UVSSA: variants seen among roughly 807,000 people sequenced by gnomAD.
UVSSA encodes UV-stimulated scaffold protein A.
UVSSA carries 72 observed loss-of-function variants against 73.9 expected under a neutral mutation model. That is an observed-to-expected ratio of 0.97 (90% CI 0.81 to 1.19). The LOEUF (loss-of-function observed/expected upper bound fraction) is 1.19. Ranked by LOEUF, UVSSA falls within the 50% of genes most tolerant of loss-of-function variation. The pLI, the probability that UVSSA is intolerant of heterozygous loss-of-function variation, is 0.00. For missense variants in UVSSA, 1,150 were observed against 965.0 expected (o/e 1.19, Z -2.54); for synonymous variants, 454 against 391.3 (o/e 1.16, Z -1.89).
chr4:1,390,425 A>C (rs562555287), downstream of UVSSA: 4 of 152,358 alleles, frequency 2.6e-5, no homozygotes, highest in African/African-American at 7.2e-5. Context: ...GACTACAGGC[A>C]TGAGCCACCA....
At chr4:1,380,679 A>G (rs1195270032) in intron 11 of UVSSA, 13 of 1,538,802 alleles carry the variant, frequency 8.4e-6, no homozygotes, top group South Asian at 3.6e-5. Flanking sequence ...GCTCCAGAGG[A>G]GGGACGGAGC....
intron 8 of UVSSA, chr4:1,374,805 C>G (rs984904793): frequency 3.3e-5 from 5 of 152,840 alleles, no homozygotes; most frequent in African/African-American, 1.2e-4. Context: ...GGGCTGGAAT[C>G]CCCGCTAACA....
At chr4:1,355,576 C>T (rs938524846) in intron 7 of UVSSA, among the ~76,000 whole-genome samples, 2 of 152,182 alleles carry the variant, frequency 1.3e-5, no homozygotes, top group South Asian at 2.1e-4. Flanking sequence ...ATCAGCAGTG[C>T]GGCACCTGTC....
At chr4:1,355,710 CGAGGGGCTTGG>C (rs1378443510) in intron 7 of UVSSA, among the ~76,000 whole-genome samples, 4 of 152,066 alleles carry the variant, frequency 2.6e-5, no homozygotes, top group Non-Finnish European at 5.9e-5. Context: ...CTGGGCCTTG[CGAGGGGCTTGG>C]GAGGGTCATG....
rs369440123 is a variant in UVSSA at position 1,386,482 on chromosome 4, C to T, written c.*521C>T. 101 of 155,940 alleles carry T rather than the reference C, an allele frequency of 6.5e-4. 3 individuals carry two copies. The South Asian group carries it at 0.015, about 24-fold the overall frequency. The allele number at this position is 155,940 out of a possible 1,614,324, so 9.7% of individuals were successfully genotyped here. A position where few individuals can be genotyped will look rare whatever the true frequency, so the allele number is the denominator to read the frequency against. On this transcript the variant is annotated 3_prime_UTR_variant, in exon 14 of 14. Transcript: ENST00000389851. ...GTCCTCTTGTCCCTGGCTTCTTACA[C>T]TTGGCGTTGTTTTTAAGGTTTATCC...
intron 5 of UVSSA, among the ~76,000 whole-genome samples, chr4:1,354,041 G>A (rs1053595499): frequency 4.0e-5 from 6 of 151,830 alleles, no homozygotes; most frequent in African/African-American, 9.6e-5. Context: ...GCTTCAAATC[G>A]CTCTCTTTGA....
chr4:1,373,960 C>T (rs541852215), intron 8 of UVSSA, among the ~76,000 whole-genome samples: 98 of 152,290 alleles, frequency 6.4e-4, no homozygotes, highest in African/African-American at 2.2e-3. Flanking sequence ...CTATGGTGCC[C>T]GTAGCTCCTG....
At chr4:1,380,517 G>A in intron 11 of UVSSA, 1 of 930,654 alleles carries the variant, frequency 1.1e-6, no homozygotes. Context: ...TGCAGCCCGG[G>A]TCTGTGCTGG....
At chr4:1,394,273 T>A (rs1025435172) in exon 14 of UVSSA, 5 of 777,076 alleles carry the variant, frequency 6.4e-6, no homozygotes, top group Non-Finnish European at 9.9e-6. Context: ...CTTCCTTTCA[T>A]GAGTTATGTA....
At chr4:1,378,238 G>T (rs1719009382) in intron 10 of UVSSA, among the ~76,000 whole-genome samples, 4 of 152,212 alleles carry the variant, frequency 2.6e-5, no homozygotes, top group African/African-American at 4.8e-5. Context: ...CTAGAACAAA[G>T]CCGTCCTGGT....
intron 7 of UVSSA, 154 bp from the exon 8 acceptor site, chr4:1,366,166 G>C: frequency 1.6e-6 from 1 of 639,340 alleles, no homozygotes; most frequent in Non-Finnish European, 2.8e-6. Flanking sequence ...CCTTGGAGAC[G>C]ATCTTAAATG....
At chr4:1,385,121 T>C (rs1463979596) in intron 13 of UVSSA, 1 of 152,338 alleles carries the variant, frequency 6.6e-6, no homozygotes, top group Non-Finnish European at 1.5e-5. Flanking sequence ...CTCCTCCCTG[T>C]GTCTCATGGG....
chr4:1,344,334 T>C (rs1313951921), upstream of UVSSA, among the ~76,000 whole-genome samples: 1 of 152,118 alleles, frequency 6.6e-6, no homozygotes, highest in East Asian at 1.9e-4. Flanking sequence ...GCAGATCACT[T>C]GAGGCCAGGA....
At chr4:1,360,152 C>G (rs1388526184) in intron 7 of UVSSA, among the ~76,000 whole-genome samples, 2 of 152,224 alleles carry the variant, frequency 1.3e-5, no homozygotes, top group Non-Finnish European at 2.9e-5. Context: ...CCGCTGTGTG[C>G]GCCACCGCAT....
chr4:1,368,700 T>A (rs1428260432), intron 8 of UVSSA, among the ~76,000 whole-genome samples: 1 of 152,264 alleles, frequency 6.6e-6, no homozygotes, highest in African/African-American at 2.4e-5. Context: ...CAGTCCCGGC[T>A]AAGCCTCACC....
upstream of UVSSA, chr4:1,347,185 C>G (rs1249504074): frequency 6.6e-6 from 1 of 151,386 alleles, no homozygotes; most frequent in Non-Finnish European, 1.5e-5. Flanking sequence ...GAGGGGCGGT[C>G]CCCCCGCCGG....
intron 2 of UVSSA, among the ~76,000 whole-genome samples, chr4:1,349,264 T>C (rs1714283445): frequency 6.6e-6 from 1 of 152,216 alleles, no homozygotes; most frequent in Non-Finnish European, 1.5e-5. Flanking sequence ...GTGTATATGA[T>C]TTTCACATTT....
intron 3 of UVSSA, among the ~76,000 whole-genome samples, chr4:1,350,750 C>G (rs1714584444): frequency 7.0e-6 from 1 of 143,288 alleles, no homozygotes; most frequent in Non-Finnish European, 1.5e-5. Flanking sequence ...GGTAACACAG[C>G]AAGACCGTTG....
Position 1,363,304 on chromosome 4 carries a change from GGGAA to G in UVSSA, c.1177-3015_1177-3012del, listed in dbSNP as rs1716898235. On this transcript the variant is annotated intron_variant, in intron 7 of 13. Transcript: ENST00000389851. ...CATCAGCGCTGATTTAAGAACAAAGGGGAACCCAGGGCTCCAAATTTAGTCACAG... is the reference window on the plus strand; with the variant it reads ...CATCAGCGCTGATTTAAGAACAAAGGCCCAGGGCTCCAAATTTAGTCACAG... 6.6e-5 allele frequency among the ~76,000 whole-genome samples: 10 copies of G among 152,234 alleles called. No homozygotes were observed. In the South Asian group the frequency reaches 1.9e-3, roughly 28 times the overall value.
Sources: gnomAD v4.1 joint callset for allele counts (sites outside exome capture counted in the v4.1 genomes callset) on GRCh38, gnomAD v4.1.1 for gene constraint, MANE v1.5 for transcripts, NCBI Gene and HGNC (gene_info 2026-07-23, HGNC 2026-07-21) for gene names.